Variants in SCFD2 observed in about 807,000 individuals in gnomAD.
The protein encoded by SCFD2 is sec1 family domain containing 2, also known as sec1 family domain-containing protein 2.
A neutral mutation model predicts 58.9 loss-of-function variants in SCFD2; 54 were observed. That is an observed-to-expected ratio of 0.92 (90% CI 0.74 to 1.15). The LOEUF (loss-of-function observed/expected upper bound fraction) is 1.15, where lower values mean the gene tolerates loss of function less well. Among genes scored for constraint, SCFD2 ranks in the 50% most tolerant of loss-of-function variants. The pLI, the probability that SCFD2 is intolerant of heterozygous loss-of-function variation, is 0.00. For missense variants in SCFD2, 805 were observed against 836.6 expected (o/e 0.96, Z 0.47); for synonymous variants, 321 against 335.9 (o/e 0.96, Z 0.49).
chr4:53,210,071 G>A (rs1204208093), intron 4 of SCFD2, among the ~76,000 whole-genome samples: 1 of 152,054 alleles, frequency 6.6e-6, no homozygotes, highest in Non-Finnish European at 1.5e-5. Context: ...TTCAGAAAGT[G>A]GGTTCACTCA....
chr4:53,232,045 T>C (rs1172158960), intron 4 of SCFD2, among the ~76,000 whole-genome samples: 3 of 152,086 alleles, frequency 2.0e-5, no homozygotes, highest in Non-Finnish European at 2.9e-5. Context: ...AGAAGAGAAA[T>C]TCTATATTTT....
At chr4:53,037,985 C>A (rs952086928) in intron 5 of SCFD2, among the ~76,000 whole-genome samples, 2 of 152,072 alleles carry the variant, frequency 1.3e-5, no homozygotes, top group Admixed American at 6.6e-5. Flanking sequence ...CACTTCATTG[C>A]AAGCCAGAAT....
At chr4:53,114,562 G>A (rs182315798) in intron 5 of SCFD2, among the ~76,000 whole-genome samples, 1 of 152,114 alleles carries the variant, frequency 6.6e-6, no homozygotes, top group East Asian at 1.9e-4. Context: ...AGAACCTCTT[G>A]GAGTCCAGAA....
At chr4:52,995,741 G>A (rs1198382558) in intron 5 of SCFD2, among the ~76,000 whole-genome samples, 1 of 152,198 alleles carries the variant, frequency 6.6e-6, no homozygotes, top group African/African-American at 2.4e-5. Context: ...AGAAGGAAAA[G>A]GAGAGGGGGA....
At chr4:53,354,582 G>A (rs558943425) in intron 1 of SCFD2, among the ~76,000 whole-genome samples, 6 of 152,316 alleles carry the variant, frequency 3.9e-5, no homozygotes, top group Non-Finnish European at 7.4e-5. Context: ...CACCGAGGCC[G>A]AGGAGGCACT....
At chr4:53,219,969 C>T (rs1176810692) in intron 4 of SCFD2, among the ~76,000 whole-genome samples, 1 of 152,184 alleles carries the variant, frequency 6.6e-6, no homozygotes, top group East Asian at 1.9e-4. Flanking sequence ...GGCCTCCAAT[C>T]TGCTGGGGTG....
intron 5 of SCFD2, among the ~76,000 whole-genome samples, chr4:53,118,962 A>G (rs1725399242): frequency 6.6e-6 from 1 of 152,216 alleles, no homozygotes; most frequent in South Asian, 2.1e-4. Flanking sequence ...GAGACTTGAA[A>G]TGCATTTTTA....
chr4:53,143,675 C>T (rs1726231659), intron 5 of SCFD2, among the ~76,000 whole-genome samples: 2 of 152,004 alleles, frequency 1.3e-5, no homozygotes, highest in South Asian at 4.2e-4. Flanking sequence ...ATTCTGCTCC[C>T]GGGAAGTCTG....
At chr4:53,144,484 G>GTA (rs887532594) in intron 5 of SCFD2, among the ~76,000 whole-genome samples, 30 of 146,742 alleles carry the variant, frequency 2.0e-4, no homozygotes, top group African/African-American at 7.0e-4. Context: ...ATACAGGTGT[G>GTA]TATATATATA....
At chr4:53,217,801 T>C (rs1179845482) in intron 4 of SCFD2, among the ~76,000 whole-genome samples, 26 of 152,236 alleles carry the variant, frequency 1.7e-4, no homozygotes, top group Admixed American at 1.6e-3. Flanking sequence ...TTTCCATGTT[T>C]AGTGCTTCCT....
rs561675950 is a variant in SCFD2, at chr4:53,276,458, A to AT, written c.1136-2458dup. On this transcript the variant is annotated intron_variant, in intron 3 of 8. Coordinates refer to ENST00000401642, the MANE Select transcript of SCFD2 (RefSeq NM_152540.4). Reference sequence around the variant, plus strand: ...TATACATTTATAGTTTCATTTAGTTATTTTTTTTTAATTTTTATTTTAGGT... The same window carrying AT: ...TATACATTTATAGTTTCATTTAGTTATTTTTTTTTTAATTTTTATTTTAGGT... Among the ~76,000 whole-genome samples the AT allele has an allele frequency of 1.8e-3, 271 of 151,484 alleles. 2 individuals are homozygous for AT. The highest frequency in any genetic ancestry group is 5.9e-3 in the African/African-American group (243 of 41,316).
chr4:53,113,419 T>C (rs1725228144), intron 5 of SCFD2, among the ~76,000 whole-genome samples: 1 of 152,088 alleles, frequency 6.6e-6, no homozygotes, highest in Non-Finnish European at 1.5e-5. Context: ...ACAAAAATAC[T>C]GATGGAGAAC....
chr4:53,344,699 A>G (rs201779903), intron 2 of SCFD2, among the ~76,000 whole-genome samples: 1 of 152,166 alleles, frequency 6.6e-6, no homozygotes, highest in Non-Finnish European at 1.5e-5. Context: ...ACTTCAAACT[A>G]TACTACAAAG....
intron 5 of SCFD2, among the ~76,000 whole-genome samples, chr4:53,051,160 T>G (rs1286429429): frequency 6.6e-6 from 1 of 152,206 alleles, no homozygotes; most frequent in East Asian, 1.9e-4. Context: ...TTTATGAAGA[T>G]GTATTGAACA....
intron 3 of SCFD2, among the ~76,000 whole-genome samples, chr4:53,293,401 C>A (rs1051717897): frequency 1.3e-5 from 2 of 152,106 alleles, no homozygotes; most frequent in African/African-American, 4.8e-5. Flanking sequence ...AGCAAACCAC[C>A]ATGGCACAAG....
intron 2 of SCFD2, among the ~76,000 whole-genome samples, chr4:53,335,000 C>A (rs115204276): frequency 1.3e-5 from 2 of 151,942 alleles, no homozygotes. Flanking sequence ...AGTTCAAGAC[C>A]GGCCTAGCCA....
chr4:53,311,793 A>G (rs545239763), intron 3 of SCFD2, among the ~76,000 whole-genome samples: 1 of 151,772 alleles, frequency 6.6e-6, no homozygotes, highest in African/African-American at 2.4e-5. Context: ...GCGCCACCAC[A>G]CCCAGCTAAT....
chr4:53,236,673 T>A (rs1000020813), intron 4 of SCFD2, among the ~76,000 whole-genome samples: 1 of 150,556 alleles, frequency 6.6e-6, no homozygotes, highest in East Asian at 1.9e-4. Context: ...AAATGAGTTC[T>A]ATGCAAAACA....
At chr4:53,032,172 T>C (rs1202521526) in intron 5 of SCFD2, among the ~76,000 whole-genome samples, 1 of 152,310 alleles carries the variant, frequency 6.6e-6, no homozygotes, top group East Asian at 1.9e-4. Flanking sequence ...ACCCAGAATT[T>C]CATATCCAGC....
Sources: gnomAD v4.1 joint callset for allele counts (sites outside exome capture counted in the v4.1 genomes callset) on GRCh38, gnomAD v4.1.1 for gene constraint, MANE v1.5 for transcripts, NCBI Gene and HGNC (gene_info 2026-07-23, HGNC 2026-07-21) for gene names.